Variants in AP3B2 observed in about 807,000 individuals in gnomAD.
AP3B2 encodes the protein adaptor related protein complex 3 subunit beta 2, also known as AP-3 complex subunit beta-2.
In AP3B2, 50 loss-of-function variants were observed where a neutral mutation model predicts 126.9. The observed-to-expected ratio is 0.39, with a 90% CI of 0.31 to 0.50. AP3B2 has a LOEUF of 0.50. Among genes scored for constraint, AP3B2 ranks in the 20% least tolerant of loss-of-function variants. AP3B2 has a pLI of 0.79. For missense variants in AP3B2, 1,177 were observed against 1,426.4 expected, an observed-to-expected ratio of 0.83 and a Z score of 2.82; for synonymous variants, 541 against 565.0, an observed-to-expected ratio of 0.96 and a Z score of 0.60.
Position 82,662,299 on chromosome 15 carries a change from C to A in AP3B2, c.2834-47G>T, listed in dbSNP as rs1009386253. ...AAGGGGAGAGGGAGGGCCACCATCA[C>A]CTGATAGGTCTAGAACCCAGCCTAG... On this transcript the variant is annotated intron_variant, in intron 23 of 26. Transcript: ENST00000535359. 11 of 1,425,730 alleles carry A rather than the reference C, an allele frequency of 7.7e-6. No individual in the cohort carries two copies. In the African/African-American group the frequency reaches 1.6e-4, roughly 20 times the overall value. The allele number at this position is 1,425,730 out of a possible 1,614,324, so 88.3% of individuals were successfully genotyped here. A position where few individuals can be genotyped will look rare whatever the true frequency, so the allele number is the denominator to read the frequency against.
At chr15:82,709,565 C>A (rs2048850588) in intron 1 of AP3B2, 29 bp downstream of exon 1, 2 of 1,470,070 alleles carry the variant, frequency 1.4e-6, no homozygotes, top group Non-Finnish European at 1.8e-6. Context: ...CCCCAACCCT[C>A]CCGCGAGCTT....
At position 82,681,112 on chromosome 15, in the gene AP3B2, C is replaced by A; in HGVS notation, c.588G>T (p.Thr196=). The change falls in exon 6 of 27, where the codon ACG becomes ACT. Residue 196 remains threonine, a splice_region_variant and synonymous_variant. Coordinates refer to ENST00000535359, the MANE Select transcript of AP3B2 (RefSeq NM_001278512.2). The surrounding 1 kb of genome is among the most constrained non-coding windows in gnomAD (Gnocchi z 4.0). ...TCCCGGAGCGCCCCTATACACGCAC[C>A]GTGGTCTTGTCAGCCAGAAGCTTCT... The part of the protein sequence containing the change: ...VIEKLLADKT[T]LVAGSVVMAF... The A allele has an allele frequency of 6.2e-7, 1 of 1,613,536 alleles. No individual in the cohort carries two copies. The highest frequency in any genetic ancestry group is 8.5e-7 in the Non-Finnish European group (1 of 1,179,742).
chr15:82,689,043 A>T, intron 3 of AP3B2, 115 bp downstream of exon 3: 3 of 1,233,014 alleles, frequency 2.4e-6, no homozygotes, highest in Non-Finnish European at 3.5e-6. Flanking sequence ...TGGCTCAGAG[A>T]CATTTCTCAG....
At chr15:82,688,427 C>T (rs1311069863) in intron 4 of AP3B2, 2 of 702,198 alleles carry the variant, frequency 2.8e-6, no homozygotes, top group Non-Finnish European at 5.2e-6. Context: ...GAGGGGTTCT[C>T]CATTGCTAGA....
intron 1 of AP3B2, among the ~76,000 whole-genome samples, chr15:82,698,918 C>T (rs959273910): frequency 2.0e-5 from 3 of 152,108 alleles, no homozygotes; most frequent in East Asian, 1.9e-4. Context: ...GATTGACTGT[C>T]GAATATGCAC....
At position 82,681,250 on chromosome 15, in the gene AP3B2, C is replaced by T; in HGVS notation, c.522-72G>A. On this transcript the variant is annotated intron_variant, in intron 5 of 26. Transcript: ENST00000535359. This position sits in a 1 kb window ranked among gnomAD's most constrained non-coding sequence, Gnocchi z 4.0. ...CTTCCCAATATCTGTCCAAGCCATG[C>T]TCACCTCCTGCACCCCAGCCTTATT... The T allele has an allele frequency of 6.5e-7, 1 of 1,548,502 alleles. No individual in the cohort carries two copies. Among genetic ancestry groups the T allele is most frequent in the Non-Finnish European group, 8.8e-7 (1 of 1,139,068 alleles).
chr15:82,679,798 AC>A lies in AP3B2; in HGVS notation c.1112del (p.Gly371ValfsTer7). 1 of 1,613,746 alleles carries A rather than the reference AC, an allele frequency of 6.2e-7. No homozygotes were observed. The highest frequency in any genetic ancestry group is 8.5e-7 in the Non-Finnish European group (1 of 1,179,776). ...AGCTCTTCAGGTAGGGCTCAAACAT[AC>A]CCTGGCACAAGAGAGGCAGCTAGGG... ...NVATMSIKRR[G>X]MFEPYLKSFY... On this transcript the variant is annotated frameshift_variant and splice_region_variant, in exon 10 of 27. Coordinates refer to ENST00000535359, the MANE Select transcript of AP3B2 (RefSeq NM_001278512.2). LOFTEE classifies it high-confidence loss of function.
chr15:82,691,742 G>C (rs1354289260), intron 1 of AP3B2: 22 of 1,585,062 alleles, frequency 1.4e-5, no homozygotes, highest in Non-Finnish European at 1.9e-5. Context: ...CCTGAAAGGA[G>C]AGAAGTGGTG....
intron 14 of AP3B2, among the ~76,000 whole-genome samples, chr15:82,668,732 A>G (rs1009547069): frequency 1.3e-5 from 2 of 151,522 alleles, no homozygotes; most frequent in African/African-American, 2.4e-5. Flanking sequence ...GTGCACCACC[A>G]AGACCCCCAC....
intron 1 of AP3B2, among the ~76,000 whole-genome samples, chr15:82,696,645 G>A (rs535963186): frequency 6.2e-4 from 94 of 152,306 alleles, no homozygotes; most frequent in African/African-American, 2.2e-3. Context: ...TGTCAGGGCT[G>A]CTACAAGCCC....
intron 1 of AP3B2, among the ~76,000 whole-genome samples, chr15:82,693,258 T>G (rs1371740373): frequency 1.4e-5 from 2 of 140,012 alleles, no homozygotes; most frequent in Non-Finnish European, 3.1e-5. Context: ...GCACTTTTTT[T>G]TTTTTTAGAT....
At chr15:82,702,678 CTT>C (rs2048737723) in intron 1 of AP3B2, among the ~76,000 whole-genome samples, 1 of 151,898 alleles carries the variant, frequency 6.6e-6, no homozygotes, top group Non-Finnish European at 1.5e-5. Context: ...TTCGTTGACT[CTT>C]TTTTCAGACT....
chr15:82,707,376 G>T (rs1278846303), intron 1 of AP3B2, among the ~76,000 whole-genome samples: 3 of 152,180 alleles, frequency 2.0e-5, no homozygotes, highest in Non-Finnish European at 2.9e-5. Context: ...CTCCTGTATA[G>T]ATGCTCCTTT....
chr15:82,661,587 G>A (rs930428255), intron 25 of AP3B2, among the ~76,000 whole-genome samples: 6 of 152,124 alleles, frequency 3.9e-5, no homozygotes, highest in African/African-American at 7.2e-5. Flanking sequence ...AGCCATACTC[G>A]TTCATTTACA....
Position 82,677,657 on chromosome 15 carries a change from A to G in AP3B2, c.1378+14T>C. 1.3e-6 allele frequency: 2 copies of G among 1,520,892 alleles called. No individual in the cohort carries two copies. Among genetic ancestry groups the G allele is most frequent in the Non-Finnish European group, 8.8e-7 (1 of 1,132,580 alleles). The allele number at this position is 1,520,892 out of a possible 1,614,324, so 94.2% of individuals were successfully genotyped here. On this transcript the variant is annotated intron_variant, in intron 12 of 26. Coordinates refer to ENST00000535359, the MANE Select transcript of AP3B2 (RefSeq NM_001278512.2). ...CTCTGATCATCACGGTTAGACACTC[A>G]GGGAAACACTGACCATCACGGTTGG...
At chr15:82,709,334 C>T (rs2048842648) in intron 1 of AP3B2, among the ~76,000 whole-genome samples, 1 of 152,130 alleles carries the variant, frequency 6.6e-6, no homozygotes, top group Admixed American at 6.5e-5. Flanking sequence ...AGGGTTTCTC[C>T]TCTCGAAACT....
intron 1 of AP3B2, among the ~76,000 whole-genome samples, chr15:82,702,584 C>CGGG (rs2048736103): frequency 6.6e-6 from 1 of 152,186 alleles, no homozygotes; most frequent in Admixed American, 6.5e-5. Context: ...TCCCCCGCCC[C>CGGG]TGCCCACCAA....
intron 14 of AP3B2, among the ~76,000 whole-genome samples, chr15:82,673,107 GT>G (rs1315261168): frequency 6.6e-6 from 1 of 152,168 alleles, no homozygotes; most frequent in Non-Finnish European, 1.5e-5. Flanking sequence ...GAAAATAAAC[GT>G]GTGTTGTTTG....
chr15:82,662,351 C>T, intron 23 of AP3B2, 99 bp from the exon 24 acceptor site: 1 of 923,110 alleles, frequency 1.1e-6, no homozygotes, highest in African/African-American at 1.6e-5. Flanking sequence ...ACTGTCACAG[C>T]TGACCAGCCC....
Sources: gnomAD v4.1 joint callset for allele counts (sites outside exome capture counted in the v4.1 genomes callset) on GRCh38, gnomAD v4.1.1 for gene constraint, Gnocchi (gnomAD v3.1) non-coding constraint, MANE v1.5 for transcripts, NCBI Gene and HGNC (gene_info 2026-07-23, HGNC 2026-07-21) for gene names.